The following LRRIQ3 variants were observed in gnomAD, a reference collection of about 807,000 sequenced individuals.
The protein encoded by LRRIQ3 is leucine rich repeats and IQ motif containing 3.
In LRRIQ3, 75 loss-of-function variants were observed where a neutral mutation model predicts 59.3. The ratio of observed to expected loss-of-function variants is 1.26; its 90% CI spans 1.05 to 1.53. The LOEUF (loss-of-function observed/expected upper bound fraction) is 1.53, where lower values mean the gene tolerates loss of function less well. Among genes scored for constraint, LRRIQ3 ranks in the 40% most tolerant of loss-of-function variants. The pLI, the probability that LRRIQ3 is intolerant of heterozygous loss-of-function variation, is 0.00. For synonymous variants in LRRIQ3, 250 were observed against 231.3 expected, an observed-to-expected ratio of 1.08 and a Z score of -0.73; for missense variants, 831 against 710.0, an observed-to-expected ratio of 1.17 and a Z score of -1.94.
At chr1:74,115,021 A>C (rs1187944319) in intron 4 of LRRIQ3, among the ~76,000 whole-genome samples, 3 of 151,976 alleles carry the variant, frequency 2.0e-5, no homozygotes, top group Non-Finnish European at 4.4e-5. Context: ...TCTTTCTAAA[A>C]TATACTATCT....
intron 5 of LRRIQ3, among the ~76,000 whole-genome samples, chr1:74,092,219 ACAGT>A (rs965168963): frequency 1.3e-5 from 2 of 152,120 alleles, no homozygotes; most frequent in African/African-American, 4.8e-5. Flanking sequence ...TGAGATAAAA[ACAGT>A]CAGTCACTAA....
chr1:74,102,059 T>TAA (rs11304358), intron 5 of LRRIQ3, among the ~76,000 whole-genome samples: 2 of 139,146 alleles, frequency 1.4e-5, no homozygotes. Context: ...AAAGTATAAT[T>TAA]AAAAAAAAAA....
At chr1:74,099,154 A>G (rs1557613913) in intron 5 of LRRIQ3, among the ~76,000 whole-genome samples, 1 of 152,092 alleles carries the variant, frequency 6.6e-6, no homozygotes, top group East Asian at 1.9e-4. Flanking sequence ...TTGATAGACC[A>G]CTAGCAAGAC....
chr1:74,118,511 C>G (rs1474986800), intron 4 of LRRIQ3, among the ~76,000 whole-genome samples: 1 of 151,990 alleles, frequency 6.6e-6, no homozygotes, highest in Non-Finnish European at 1.5e-5. Flanking sequence ...AGAAATAAGA[C>G]AGTATCTCTC....
chr1:74,050,883 A>G (rs2100415427), intron 6 of LRRIQ3, among the ~76,000 whole-genome samples: 1 of 152,332 alleles, frequency 6.6e-6, no homozygotes, highest in East Asian at 1.9e-4. Context: ...TTTTCTTAGT[A>G]GCAAATGTTT....
intron 5 of LRRIQ3, among the ~76,000 whole-genome samples, chr1:74,084,840 T>C (rs1408360924): frequency 3.3e-5 from 5 of 151,800 alleles, no homozygotes; most frequent in South Asian, 2.1e-4. Flanking sequence ...ATGTGATTTA[T>C]TTTTGGTCTG....
intron 3 of LRRIQ3, among the ~76,000 whole-genome samples, chr1:74,174,595 T>C (rs980856298): frequency 6.6e-6 from 1 of 151,028 alleles, no homozygotes; most frequent in South Asian, 2.1e-4. Context: ...AGTTTTACCA[T>C]GTTAACCAGG....
intron 4 of LRRIQ3, among the ~76,000 whole-genome samples, chr1:74,147,982 T>C (rs921622824): frequency 4.6e-5 from 7 of 152,216 alleles, no homozygotes; most frequent in African/African-American, 1.4e-4. Flanking sequence ...CTGATATCTT[T>C]GTATTGTTTA....
intron 3 of LRRIQ3, among the ~76,000 whole-genome samples, chr1:74,176,813 C>T (rs1221283105): frequency 6.6e-6 from 1 of 152,086 alleles, no homozygotes; most frequent in East Asian, 1.9e-4. Context: ...TGTTGTACTA[C>T]AATGGGTTAG....
chr1:74,099,163 A>C (rs1646493560), intron 5 of LRRIQ3, among the ~76,000 whole-genome samples: 2 of 152,154 alleles, frequency 1.3e-5, no homozygotes, highest in Non-Finnish European at 2.9e-5. Flanking sequence ...CACTAGCAAG[A>C]CTAATAAAGA....
intron 4 of LRRIQ3, among the ~76,000 whole-genome samples, chr1:74,111,896 C>T (rs1341830371): frequency 1.3e-5 from 2 of 152,062 alleles, no homozygotes; most frequent in African/African-American, 2.4e-5. Flanking sequence ...TATCTCACAT[C>T]CCGATCCTAC....
At chr1:74,119,326 G>A (rs2100582323) in intron 4 of LRRIQ3, among the ~76,000 whole-genome samples, 1 of 151,646 alleles carries the variant, frequency 6.6e-6, no homozygotes, top group African/African-American at 2.4e-5. Context: ...TATGTTGGTT[G>A]GTAGTTTATA....
intron 4 of LRRIQ3, among the ~76,000 whole-genome samples, chr1:74,123,007 C>T (rs1646882375): frequency 6.6e-6 from 1 of 152,084 alleles, no homozygotes. Flanking sequence ...TGGCCTGGGC[C>T]TATTTCATTA....
At chr1:74,133,841 C>T in intron 4 of LRRIQ3, among the ~76,000 whole-genome samples, 1 of 151,600 alleles carries the variant, frequency 6.6e-6, no homozygotes, top group East Asian at 1.9e-4. Context: ...GCACATGTAC[C>T]CTAGAACTTA....
intron 1 of LRRIQ3, among the ~76,000 whole-genome samples, chr1:74,196,350 A>G (rs570955034): frequency 6.6e-6 from 1 of 152,142 alleles, no homozygotes; most frequent in Non-Finnish European, 1.5e-5. Context: ...TACAGACCCC[A>G]AACATATAGG....
intron 6 of LRRIQ3, among the ~76,000 whole-genome samples, chr1:74,045,992 T>C (rs573655747): frequency 1.3e-5 from 2 of 152,244 alleles, no homozygotes; most frequent in South Asian, 2.1e-4. Flanking sequence ...TCCATCCTCA[T>C]GGATAGGAAG....
intron 3 of LRRIQ3, among the ~76,000 whole-genome samples, chr1:74,175,839 T>G (rs1454235029): frequency 6.6e-6 from 1 of 152,174 alleles, no homozygotes; most frequent in Non-Finnish European, 1.5e-5. Flanking sequence ...TCAACTAATG[T>G]CACAACCATG....
chr1:74,180,773 C>T, intron 3 of LRRIQ3: 2 of 1,550,042 alleles, frequency 1.3e-6, no homozygotes, highest in Non-Finnish European at 1.7e-6. Flanking sequence ...TCATTTTCTC[C>T]TGTAAAATAA....
intron 5 of LRRIQ3, chr1:74,078,812 G>T (rs959641946): frequency 1.6e-4 from 25 of 151,882 alleles, no homozygotes; most frequent in African/African-American, 5.5e-4. Flanking sequence ...ATAGAGAAAA[G>T]ATAAAGGGAG....
Sources: allele counts gnomAD v4.1 joint callset (sites outside exome capture counted in the v4.1 genomes callset), GRCh38; gene constraint gnomAD v4.1.1; transcripts MANE v1.5; gene names NCBI Gene and HGNC (gene_info 2026-07-23, HGNC 2026-07-21).